Variants in GALNT7 observed in about 807,000 individuals in gnomAD.
GALNT7 encodes polypeptide N-acetylgalactosaminyltransferase 7.
GALNT7 carries 60 observed loss-of-function variants against 82.1 expected under a neutral mutation model. The ratio of observed to expected loss-of-function variants is 0.73; its 90% CI spans 0.59 to 0.91. GALNT7 has a LOEUF of 0.91. Among genes scored for constraint, GALNT7 ranks in the 40% least tolerant of loss-of-function variants. GALNT7 has a pLI of 0.00. For synonymous variants in GALNT7, 243 were observed against 275.1 expected, an observed-to-expected ratio of 0.88 and a Z score of 1.15; for missense variants, 660 against 804.2, an observed-to-expected ratio of 0.82 and a Z score of 2.17.
At chr4:173,259,719 C>A (rs1322094982) in intron 2 of GALNT7, among the ~76,000 whole-genome samples, 1 of 152,164 alleles carries the variant, frequency 6.6e-6, no homozygotes, top group Non-Finnish European at 1.5e-5. Context: ...CTCACTGCAA[C>A]CTCTGCCTCC....
chr4:173,282,631 G>A (rs1247107346), intron 2 of GALNT7, among the ~76,000 whole-genome samples: 2 of 152,108 alleles, frequency 1.3e-5, no homozygotes, highest in Non-Finnish European at 2.9e-5. Flanking sequence ...GATTCCTCCC[G>A]AGGCTGGTTT....
chr4:173,226,332 G>A (rs1406379559), intron 1 of GALNT7, among the ~76,000 whole-genome samples: 3 of 151,868 alleles, frequency 2.0e-5, no homozygotes, highest in Admixed American at 1.3e-4. Context: ...TTTTAACTCC[G>A]TGCCTTATAT....
chr4:173,299,941 T>A (rs1173570134), intron 6 of GALNT7, among the ~76,000 whole-genome samples: 1 of 152,120 alleles, frequency 6.6e-6, no homozygotes, highest in Non-Finnish European at 1.5e-5. Context: ...TGTAATAGTG[T>A]TGTTACTGTG....
At position 173,303,421 on chromosome 4, in the gene GALNT7, GA is replaced by G. The variant is rs1645418013; in HGVS notation, c.1267-574del. 2.0e-5 allele frequency among the ~76,000 whole-genome samples: 3 copies of G among 152,158 alleles called. No homozygotes were observed. The South Asian group carries it at 6.2e-4, about 32-fold the overall frequency. ...CATGAATAAGGAAGACATCTAAGAA[GA>G]TAAAATGGGAAGGTGTATTAGGGCC... On this transcript the variant is annotated intron_variant, in intron 7 of 11. Transcript: ENST00000265000.
chr4:173,177,501 A>G (rs1393727872), intron 1 of GALNT7, among the ~76,000 whole-genome samples: 1 of 150,968 alleles, frequency 6.6e-6, no homozygotes, highest in Non-Finnish European at 1.5e-5. Context: ...GATGGAGGAG[A>G]AAAATGTGTG....
intron 1 of GALNT7, among the ~76,000 whole-genome samples, chr4:173,192,613 C>T (rs965614796): frequency 6.6e-6 from 1 of 152,186 alleles, no homozygotes; most frequent in Non-Finnish European, 1.5e-5. Flanking sequence ...GAATTATCAT[C>T]GTTGCCTTGA....
intron 1 of GALNT7, among the ~76,000 whole-genome samples, chr4:173,237,877 A>T (rs1007372813): frequency 6.6e-6 from 1 of 152,178 alleles, no homozygotes; most frequent in Non-Finnish European, 1.5e-5. Flanking sequence ...CTAGGTACTA[A>T]AGTAGGGTTG....
intron 1 of GALNT7, among the ~76,000 whole-genome samples, chr4:173,242,032 G>A (rs1490993231): frequency 6.6e-6 from 1 of 152,110 alleles, no homozygotes; most frequent in Non-Finnish European, 1.5e-5. Flanking sequence ...AAGTAACTTT[G>A]GGACGAACTG....
chr4:173,314,255 A>C (rs1737509479), intron 9 of GALNT7, 79 bp downstream of exon 9: 1 of 966,326 alleles, frequency 1.0e-6, no homozygotes, highest in South Asian at 1.3e-5. Context: ...AATATGTAAG[A>C]GGGAAGTATT....
chr4:173,309,802 T>G (rs1220386206), intron 8 of GALNT7, among the ~76,000 whole-genome samples: 1 of 152,198 alleles, frequency 6.6e-6, no homozygotes, highest in Non-Finnish European at 1.5e-5. Flanking sequence ...GAGATTTAAA[T>G]GTCTGTGATA....
intron 1 of GALNT7, among the ~76,000 whole-genome samples, chr4:173,176,808 C>A (rs916578938): frequency 6.6e-6 from 1 of 152,050 alleles, no homozygotes; most frequent in African/African-American, 2.4e-5. Flanking sequence ...GAAGAGAGGA[C>A]TCTAGAAAGA....
chr4:173,267,984 G>A (rs995369318), intron 2 of GALNT7, among the ~76,000 whole-genome samples: 7 of 152,086 alleles, frequency 4.6e-5, no homozygotes, highest in East Asian at 1.9e-4. Flanking sequence ...TTAAAATATG[G>A]TACCCTCTTC....
At chr4:173,199,955 C>T (rs1171139676) in intron 1 of GALNT7, among the ~76,000 whole-genome samples, 1 of 152,114 alleles carries the variant, frequency 6.6e-6, no homozygotes. Context: ...TTAAAGTCTT[C>T]CTGGAATAGT....
At chr4:173,241,532 C>T (rs947661839) in intron 1 of GALNT7, among the ~76,000 whole-genome samples, 92 of 152,278 alleles carry the variant, frequency 6.0e-4, no homozygotes, top group African/African-American at 2.1e-3. Flanking sequence ...TAACAAGTTG[C>T]AAAATTGTGA....
chr4:173,279,425 C>T (rs1425747805), intron 2 of GALNT7, among the ~76,000 whole-genome samples: 1 of 152,194 alleles, frequency 6.6e-6, no homozygotes, highest in East Asian at 1.9e-4. Context: ...ACCTCCAACA[C>T]TGGGGACTAC....
chr4:173,264,878 G>C lies in GALNT7; in HGVS notation c.587+16438G>C, dbSNP rs548016874. Among the ~76,000 whole-genome samples the C allele has an allele frequency of 7.2e-5, 11 of 152,342 alleles. No individual in the cohort carries two copies. The South Asian group carries it at 8.3e-4, about 11-fold the overall frequency. On this transcript the variant is annotated intron_variant, in intron 2 of 11. Coordinates refer to ENST00000265000, the MANE Select transcript of GALNT7 (RefSeq NM_017423.3). ...TATTGCCTCTTCCTGCATCCTGGAG[G>C]GGGGAGTGGCTTCACAGCCCTTGGG...
intron 1 of GALNT7, among the ~76,000 whole-genome samples, chr4:173,206,877 A>G (rs1167029073): frequency 6.6e-6 from 1 of 152,182 alleles, no homozygotes; most frequent in African/African-American, 2.4e-5. Flanking sequence ...AAGGTGTGAC[A>G]CTACCCCTGG....
intron 2 of GALNT7, among the ~76,000 whole-genome samples, chr4:173,282,944 A>C (rs1047145029): frequency 6.6e-6 from 1 of 152,138 alleles, no homozygotes; most frequent in Admixed American, 6.5e-5. Context: ...ATTTACTCTT[A>C]TTACCTGGCA....
intron 1 of GALNT7, among the ~76,000 whole-genome samples, chr4:173,205,130 G>A (rs1733045284): frequency 6.6e-6 from 1 of 151,954 alleles, no homozygotes; most frequent in Admixed American, 6.5e-5. Flanking sequence ...TGGAGCCTTG[G>A]ATCCCCTGTT....
Sources: allele counts gnomAD v4.1 joint callset (sites outside exome capture counted in the v4.1 genomes callset), GRCh38; gene constraint gnomAD v4.1.1; transcripts MANE v1.5; gene names NCBI Gene and HGNC (gene_info 2026-07-23, HGNC 2026-07-21).